The following FAM50B variants were observed in gnomAD, a reference collection of about 807,000 sequenced individuals.
FAM50B encodes the protein protein FAM50B.
A neutral mutation model predicts 25.4 loss-of-function variants in FAM50B; 9 were observed. The ratio of observed to expected loss-of-function variants is 0.35; its 90% CI spans 0.21 to 0.62. The LOEUF is 0.62. Among genes scored for constraint, FAM50B ranks in the 20% least tolerant of loss-of-function variants. FAM50B has a pLI of 0.73. For missense variants in FAM50B, 372 were observed against 477.9 expected (o/e 0.78, Z 2.07); for synonymous variants, 212 against 204.3 (o/e 1.04, Z -0.32).
chr6:3,841,545 G>A, the FAM50B span, among the ~76,000 whole-genome samples: 171 of 152,230 alleles, frequency 1.1e-3, no homozygotes, highest in Admixed American at 1.5e-3. Context: ...TTGTTATAAC[G>A]TTGTCAGAGA....
the FAM50B span, among the ~76,000 whole-genome samples, chr6:3,834,359 C>CAAAAAAAAAAAAAAAAAAAAAGAAAA: frequency 2.0e-4 from 15 of 75,040 alleles, no homozygotes; most frequent in African/African-American, 5.2e-4. Flanking sequence ...TGATATATGG[C>CAAAAAAAAAAAAAAAAAAAAAGAAAA]AAAAAAAAAA....
the FAM50B span, among the ~76,000 whole-genome samples, chr6:3,839,696 C>G: frequency 6.6e-6 from 1 of 152,176 alleles, no homozygotes; most frequent in African/African-American, 2.4e-5. Context: ...AGCAATACCT[C>G]ACATATACTC....
the FAM50B span, among the ~76,000 whole-genome samples, chr6:3,843,777 T>C: frequency 4.3e-3 from 661 of 152,374 alleles, 37 homozygotes; most frequent in East Asian, 0.11. Flanking sequence ...ATTATCTAGA[T>C]ATCCTTTGAA....
At position 3,850,577 on chromosome 6, in the gene FAM50B, G is replaced by A. The variant is rs1419120580; in HGVS notation, c.766G>A (p.Ala256Thr). 9.9e-6 allele frequency: 16 copies of A among 1,614,072 alleles called. No individual in the cohort carries two copies. Among genetic ancestry groups the A allele is most frequent in the Admixed American group, 5.0e-5 (3 of 60,032 alleles). ...CCACACCTTCTACGACTTCATCATC[G>A]CCAGGGCGAGGGGCAAGAGCGGGCC... is the stretch of plus-strand genomic sequence containing the variant. ...HYHTFYDFII[A>T]RARGKSGPLF... Residue 256 changes from alanine (A) to threonine (T), a missense_variant, in exon 2 of 2, where the codon GCC becomes ACC. By Grantham distance (58) the Ala-to-Thr change is moderately conservative (BLOSUM62 0). Around this residue, in one of 4 missense-constraint regions of FAM50B, gnomAD observed 27 missense variants for 61.6 expected, o/e 0.44. Transcript: ENST00000648326.
At chr6:3,834,345 A>C in the FAM50B span, among the ~76,000 whole-genome samples, 1 of 149,868 alleles carries the variant, frequency 6.7e-6, no homozygotes, top group Admixed American at 6.6e-5. Context: ...TAAAATACAA[A>C]AACTGATATA....
the FAM50B span, among the ~76,000 whole-genome samples, chr6:3,838,323 T>TA: frequency 4.7e-5 from 7 of 148,154 alleles, no homozygotes; most frequent in East Asian, 2.0e-4. Flanking sequence ...TTAAGAAAAC[T>TA]AAAAAAAAAG....
At chr6:3,841,343 T>C in the FAM50B span, among the ~76,000 whole-genome samples, 1 of 152,100 alleles carries the variant, frequency 6.6e-6, no homozygotes, top group Non-Finnish European at 1.5e-5. Context: ...AATTATTAAG[T>C]GGTCTGGTTT....
At chr6:3,848,102 A>G (rs906147124), upstream of FAM50B, among the ~76,000 whole-genome samples, 2 of 152,290 alleles carry the variant, frequency 1.3e-5, no homozygotes, top group African/African-American at 4.8e-5. Context: ...AAATATTGCA[A>G]GAATTACCAA....
upstream of FAM50B, among the ~76,000 whole-genome samples, chr6:3,848,106 T>C (rs1456959527): frequency 6.6e-6 from 1 of 152,194 alleles, no homozygotes; most frequent in Non-Finnish European, 1.5e-5. Context: ...ATTGCAAGAA[T>C]TACCAAAATG....
At chr6:3,840,583 C>G in the FAM50B span, among the ~76,000 whole-genome samples, 2 of 152,190 alleles carry the variant, frequency 1.3e-5, no homozygotes, top group African/African-American at 4.8e-5. Context: ...CTCCAACGAA[C>G]GGAGCCGAGC....
upstream of FAM50B, among the ~76,000 whole-genome samples, chr6:3,848,974 G>A (rs1311226273): frequency 2.6e-5 from 4 of 152,342 alleles, no homozygotes; most frequent in East Asian, 1.9e-4. Context: ...CATCAGAGGC[G>A]GGAGGAGGAG....
the FAM50B span, among the ~76,000 whole-genome samples, chr6:3,843,290 A>G: frequency 6.6e-6 from 1 of 152,260 alleles, no homozygotes; most frequent in Admixed American, 6.5e-5. Context: ...AGCAACTGAA[A>G]GGACTGGAGG....
At chr6:3,845,957 G>A (rs1002755014), upstream of FAM50B, among the ~76,000 whole-genome samples, 1 of 151,972 alleles carries the variant, frequency 6.6e-6, no homozygotes, top group African/African-American at 2.4e-5. Context: ...TCTTGACCTC[G>A]TGATCCACCC....
At chr6:3,844,660 G>A (rs756085152), upstream of FAM50B, among the ~76,000 whole-genome samples, 3 of 152,048 alleles carry the variant, frequency 2.0e-5, no homozygotes, top group Non-Finnish European at 2.9e-5. Context: ...GCAGTGGGCC[G>A]AGATCGCACC....
chr6:3,851,013 C>A lies in FAM50B; in HGVS notation c.*224C>A. 1 of 656,262 alleles carries A rather than the reference C, an allele frequency of 1.5e-6. No homozygotes were observed. The highest frequency in any genetic ancestry group is 2.6e-6 in the Non-Finnish European group (1 of 387,912). 40.7% of individuals were successfully genotyped at this position (656,262 alleles called of 1,614,324 possible). A position where few individuals can be genotyped will look rare whatever the true frequency, so the allele number is the denominator to read the frequency against. On this transcript the variant is annotated 3_prime_UTR_variant, in exon 2 of 2. Coordinates refer to ENST00000648326, the MANE Select transcript of FAM50B (RefSeq NM_012135.3). Reference sequence around the variant, plus strand: ...GTTGCCACCTGGATTTGCTGCATTGCTCTGCTGAGCTGTATTGAAACCATG... The same window carrying A: ...GTTGCCACCTGGATTTGCTGCATTGATCTGCTGAGCTGTATTGAAACCATG...
the FAM50B span, among the ~76,000 whole-genome samples, chr6:3,835,531 T>A: frequency 3.3e-5 from 5 of 151,994 alleles, no homozygotes; most frequent in African/African-American, 4.8e-5. Flanking sequence ...AGTTGGCATC[T>A]CTCCACTTCC....
At chr6:3,846,397 T>G (rs1044980809), upstream of FAM50B, among the ~76,000 whole-genome samples, 6 of 152,222 alleles carry the variant, frequency 3.9e-5, no homozygotes, top group African/African-American at 1.2e-4. Flanking sequence ...GTGCATAATT[T>G]CATTAAAAAT....
chr6:3,841,214 G>A, the FAM50B span, among the ~76,000 whole-genome samples: 1 of 152,212 alleles, frequency 6.6e-6, no homozygotes, highest in African/African-American at 2.4e-5. Context: ...TTTACAAGCT[G>A]TTTAAAGAAT....
upstream of FAM50B, among the ~76,000 whole-genome samples, chr6:3,847,197 C>A (rs1762133682): frequency 6.6e-6 from 1 of 152,220 alleles, no homozygotes; most frequent in Non-Finnish European, 1.5e-5. Flanking sequence ...TCAACCTGTC[C>A]TTTGAAGCCA....
Sources: gnomAD v4.1 joint callset for allele counts (sites outside exome capture counted in the v4.1 genomes callset) on GRCh38, gnomAD v4.1.1 for gene constraint, gnomAD v4.1.1 regional missense constraint, MANE v1.5 for transcripts, NCBI Gene and HGNC (gene_info 2026-07-23, HGNC 2026-07-21) for gene names.